The following RASA3 variants were observed in gnomAD, a reference collection of about 807,000 sequenced individuals.
RASA3 encodes the protein RAS p21 protein activator 3.
In RASA3, 73 loss-of-function variants were observed where a neutral mutation model predicts 110.0. The ratio of observed to expected loss-of-function variants is 0.66; its 90% CI spans 0.55 to 0.81. RASA3 has a LOEUF of 0.81. Ranked by LOEUF, RASA3 falls within the 30% of genes least tolerant of loss-of-function variation. RASA3 has a pLI of 0.00. For missense variants in RASA3, 976 were observed against 1,113.2 expected, an observed-to-expected ratio of 0.88 and a Z score of 1.75; for synonymous variants, 500 against 451.4, an observed-to-expected ratio of 1.11 and a Z score of -1.37.
chr13:114,024,205 T>C (rs1594341771), intron 8 of RASA3, 74 bp downstream of exon 8: 2 of 1,353,604 alleles, frequency 1.5e-6, no homozygotes, highest in East Asian at 2.3e-5. Flanking sequence ...CTATATTTAG[T>C]AACAAAGAAC....
rs2079093039 is a variant in RASA3 at position 114,048,614 on chromosome 13, C to G, written c.277+3438G>C. 1.3e-5 allele frequency among the ~76,000 whole-genome samples: 2 copies of G among 152,176 alleles called. No individual in the cohort carries two copies. Among genetic ancestry groups the G allele is most frequent in the South Asian group, 4.1e-4 (2 of 4,834 alleles). ...GTCTGTGCTCTGTGAGGGCAGCGCC[C>G]GGCAGCCGAGTCCAGGCAGAGGCCG... On this transcript the variant is annotated intron_variant, in intron 3 of 23. Transcript: ENST00000334062. This position sits in a 1 kb window ranked among gnomAD's most constrained non-coding sequence, Gnocchi z 4.3.
At chr13:114,000,976 C>T (rs1594298190) in intron 18 of RASA3, 44 bp from the exon 19 acceptor site, 1 of 1,354,084 alleles carries the variant, frequency 7.4e-7, no homozygotes, top group East Asian at 2.3e-5. Flanking sequence ...CCTCAGCTGC[C>T]TCCCTGCACA....
In RASA3 at chr13:114,027,832, C is replaced by T. The variant is rs766829332; in HGVS notation, c.530+15G>A. On this transcript the variant is annotated intron_variant, in intron 6 of 23. Transcript: ENST00000334062. The stretch of plus-strand genomic sequence containing the variant: ...CCAGGACCAGAACAGAAACCTGAAG[C>T]GTGAGGCAACTTGCCTGAAGGGTCC... The T allele has an allele frequency of 1.1e-5, 17 of 1,612,126 alleles. No individual in the cohort carries two copies. Among genetic ancestry groups the T allele is most frequent in the East Asian group, 8.9e-5 (4 of 44,884 alleles).
At chr13:114,122,945 C>G (rs2080397987) in intron 1 of RASA3, among the ~76,000 whole-genome samples, 1 of 152,210 alleles carries the variant, frequency 6.6e-6, no homozygotes, top group African/African-American at 2.4e-5. Context: ...CAGCACCCAG[C>G]CTCCTTTCTG....
chr13:114,004,525 AC>A (rs1448377868), intron 18 of RASA3, among the ~76,000 whole-genome samples: 3 of 152,070 alleles, frequency 2.0e-5, no homozygotes, highest in Admixed American at 6.6e-5. Flanking sequence ...ACCCCACCTC[AC>A]GCCAGGCAGA....
In RASA3 at chr13:114,112,579, C is replaced by T. The variant is rs2080233589; in HGVS notation, c.55+19856G>A. 6.6e-6 allele frequency among the ~76,000 whole-genome samples: 1 copy of T among 152,124 alleles called. No homozygotes were observed. Among genetic ancestry groups the T allele is most frequent in the Admixed American group, 6.5e-5 (1 of 15,284 alleles). On this transcript the variant is annotated intron_variant, in intron 1 of 23. Coordinates refer to ENST00000334062, the MANE Select transcript of RASA3 (RefSeq NM_007368.4). The surrounding 1 kb of genome is among the most constrained non-coding windows in gnomAD (Gnocchi z 4.8). ...CACTTCACACGCGTGCCCGGGGATGCTGGTGCTGCAGGTATGGGGACCCCG... is the reference window on the plus strand; with the variant it reads ...CACTTCACACGCGTGCCCGGGGATGTTGGTGCTGCAGGTATGGGGACCCCG...
Position 114,029,823 on chromosome 13 carries a change from T to C in RASA3, c.437A>G (p.Lys146Arg), listed in dbSNP as rs762491147. 1.3e-6 allele frequency: 2 copies of C among 1,592,086 alleles called. 1 individual carries two copies. The highest frequency in any genetic ancestry group is 3.5e-5 in the Admixed American group (2 of 57,862). The change falls in exon 5 of 24, where the codon AAG becomes AGG. Residue 146 changes from lysine (K) to arginine (R), a missense_variant. Lys to Arg is a conservative substitution (Grantham distance 26). This residue lies in a region of RASA3 where 732 missense variants were observed against 779.7 expected (regional missense o/e 0.94). Transcript: ENST00000334062. Reference sequence around the variant, plus strand: ...GGACGTGTCTTACCGTGTGGCGAGCTTGTGGCAGACGACCCCAGTGTCTGT... The same window carrying C: ...GGACGTGTCTTACCGTGTGGCGAGCCTGTGGCAGACGACCCCAGTGTCTGT... Reference protein sequence around the residue: ...VITDTGVVCHKLATRIVECQG... With the variant: ...VITDTGVVCHRLATRIVECQG...
chr13:113,978,482 C>T lies in RASA3; in HGVS notation c.*865G>A, dbSNP rs2052829432. On this transcript the variant is annotated 3_prime_UTR_variant, in exon 24 of 24. Coordinates refer to ENST00000334062, the MANE Select transcript of RASA3 (RefSeq NM_007368.4). The stretch of plus-strand genomic sequence containing the variant: ...CTAATTAAAAATGGTCCTTCAAAAA[C>T]ATAAAGAAAAACAGCTTGAAAAATG... 1 of 152,158 alleles carries T rather than the reference C, an allele frequency of 6.6e-6. No individual in the cohort carries two copies. The highest frequency in any genetic ancestry group is 2.4e-5 in the African/African-American group (1 of 41,444). The allele number at this position is 152,158 out of a possible 1,614,324, so 9.4% of individuals were successfully genotyped here. A position where few individuals can be genotyped will look rare whatever the true frequency, so the allele number is the denominator to read the frequency against.
At chr13:114,060,971 GCCCCCCACAGCCGGCAGACGGAGC>G (rs1566539906) in intron 2 of RASA3, among the ~76,000 whole-genome samples, 1 of 90,894 alleles carries the variant, frequency 1.1e-5, no homozygotes, top group Non-Finnish European at 2.3e-5. Flanking sequence ...GGCAGATGGA[GCCCCCCACAGCCGGCAGACGGAGC>G]CCCCCACAGC....
At position 114,074,137 on chromosome 13, in the gene RASA3, A is replaced by G. The variant is rs577804579; in HGVS notation, c.56-300T>C. ...CCCTTTATTTTAATTTTTAACATAC[A>G]ATTTTCCATCTCTGACCTGCTCGCG... On this transcript the variant is annotated intron_variant, in intron 1 of 23. Transcript: ENST00000334062. Among the ~76,000 whole-genome samples the G allele has an allele frequency of 5.3e-5, 8 of 152,288 alleles. 1 individual carries two copies. The South Asian group carries it at 1.5e-3, about 28-fold the overall frequency.
At chr13:114,091,902 G>C (rs1448455773) in intron 1 of RASA3, among the ~76,000 whole-genome samples, 1 of 151,956 alleles carries the variant, frequency 6.6e-6, no homozygotes, top group Non-Finnish European at 1.5e-5. Flanking sequence ...GCCCCACCTT[G>C]GTAGGTTGTA....
intron 1 of RASA3, among the ~76,000 whole-genome samples, chr13:114,117,982 CAT>C (rs1220859443): frequency 6.6e-6 from 1 of 151,878 alleles, no homozygotes; most frequent in Non-Finnish European, 1.5e-5. Flanking sequence ...CCTGTGTGCA[CAT>C]GTGGATGTTG....
chr13:114,064,299 C>T (rs995248458), intron 2 of RASA3, among the ~76,000 whole-genome samples: 4 of 152,188 alleles, frequency 2.6e-5, no homozygotes, highest in East Asian at 3.9e-4. Context: ...CCCAGCCCCA[C>T]CCAGAACCCA....
In RASA3 at chr13:113,978,526, A is replaced by G. The variant is rs1201601623; in HGVS notation, c.*821T>C. 1 of 152,246 alleles carries G rather than the reference A, an allele frequency of 6.6e-6. No homozygotes were observed. Among genetic ancestry groups the G allele is most frequent in the Non-Finnish European group, 1.5e-5 (1 of 68,046 alleles). The allele number at this position is 152,246 out of a possible 1,614,324, so 9.4% of individuals were successfully genotyped here. A position where few individuals can be genotyped will look rare whatever the true frequency, so the allele number is the denominator to read the frequency against. On this transcript the variant is annotated 3_prime_UTR_variant, in exon 24 of 24. Transcript: ENST00000334062. ...AAAAATGTACATTTCTATTTTTAAA[A>G]TCTTCAAACTTCCACGGGGGGTGGC...
chr13:114,044,849 A>G (rs2079026576), intron 3 of RASA3, among the ~76,000 whole-genome samples: 1 of 152,086 alleles, frequency 6.6e-6, no homozygotes, highest in Admixed American at 6.5e-5. Flanking sequence ...GTGTCTTCAC[A>G]TTTTTATGAG....
At chr13:114,017,455 G>A in intron 11 of RASA3, 104 bp from the exon 12 acceptor site, 2 of 901,758 alleles carry the variant, frequency 2.2e-6, no homozygotes, top group Non-Finnish European at 3.7e-6. Context: ...TGAGGTCAGT[G>A]CACGCCCATC....
intron 13 of RASA3, 130 bp downstream of exon 13, chr13:114,016,067 G>T: frequency 1.4e-6 from 1 of 731,814 alleles, no homozygotes; most frequent in Non-Finnish European, 2.4e-6. Flanking sequence ...GGGTGAGGCG[G>T]GTATCCCCAC....
chr13:113,990,171 A>G (rs2053073932), intron 22 of RASA3, among the ~76,000 whole-genome samples: 1 of 151,990 alleles, frequency 6.6e-6, no homozygotes, highest in South Asian at 2.1e-4. Flanking sequence ...CTCCCCAACC[A>G]TGCTTCCTGT....
At chr13:114,098,377 C>T (rs1380558232) in intron 1 of RASA3, among the ~76,000 whole-genome samples, 1 of 152,164 alleles carries the variant, frequency 6.6e-6, no homozygotes, top group Non-Finnish European at 1.5e-5. Flanking sequence ...GCGTGCCCAG[C>T]CAGGCCTCAC....
Sources: gnomAD v4.1 joint callset for allele counts (sites outside exome capture counted in the v4.1 genomes callset) on GRCh38, gnomAD v4.1.1 for gene constraint, gnomAD v4.1.1 regional missense constraint, Gnocchi (gnomAD v3.1) non-coding constraint, MANE v1.5 for transcripts, NCBI Gene and HGNC (gene_info 2026-07-23, HGNC 2026-07-21) for gene names.